The following MORC2 variants were observed in gnomAD, a reference collection of about 807,000 sequenced individuals.
The protein encoded by MORC2 is ATPase MORC2.
Under a neutral mutation model 136.0 loss-of-function variants are expected in MORC2, and 30 were observed. That is an observed-to-expected ratio of 0.22 (90% confidence interval 0.17 to 0.30). MORC2 has a LOEUF of 0.30. Ranked by LOEUF, MORC2 falls within the 10% of genes least tolerant of loss-of-function variation. The pLI is 1.00. For missense variants in MORC2, 922 were observed against 1,333.1 expected, an observed-to-expected ratio of 0.69 and a Z score of 4.80; for synonymous variants, 439 against 487.0, an observed-to-expected ratio of 0.90 and a Z score of 1.30.
At chr22:30,931,233 G>T (rs1184791920) in intron 24 of MORC2, among the ~76,000 whole-genome samples, 1 of 152,218 alleles carries the variant, frequency 6.6e-6, no homozygotes, top group African/African-American at 2.4e-5. Flanking sequence ...CAGCCCCTGG[G>T]CCGAATCAGC....
chr22:30,931,721 A>G, intron 24 of MORC2, among the ~76,000 whole-genome samples: 1 of 152,170 alleles, frequency 6.6e-6, no homozygotes, highest in East Asian at 1.9e-4. Flanking sequence ...AGGCCACCAC[A>G]GCCCTCCATA....
At position 30,934,254 on chromosome 22, in the gene MORC2, T is replaced by G. The variant is rs1468915270; in HGVS notation, c.2194-63A>C. 1 of 1,606,474 alleles carries G rather than the reference T, an allele frequency of 6.2e-7. No individual in the cohort carries two copies. Among genetic ancestry groups the G allele is most frequent in the African/African-American group, 1.3e-5 (1 of 74,728 alleles). ...TTCAGCCTCTAAGGAGCAGGAAGAT[T>G]TCATCTAGCCTAAAGGAGTCGTTCC... On this transcript the variant is annotated intron_variant, in intron 19 of 25. Coordinates refer to ENST00000397641, the MANE Select transcript of MORC2 (RefSeq NM_001303256.3). The surrounding 1 kb of genome is among the most constrained non-coding windows in gnomAD (Gnocchi z 4.4).
At chr22:30,960,255 C>A (rs1234900105) in intron 1 of MORC2, among the ~76,000 whole-genome samples, 1 of 152,148 alleles carries the variant, frequency 6.6e-6, no homozygotes. Flanking sequence ...ACCTGAGCCA[C>A]CACACACGGC....
chr22:30,953,190 A>C (rs1159224315), intron 3 of MORC2, among the ~76,000 whole-genome samples: 1 of 152,210 alleles, frequency 6.6e-6, no homozygotes, highest in East Asian at 1.9e-4. Flanking sequence ...CAGTCAACTG[A>C]GTGATATCTG....
At position 30,932,768 on chromosome 22, in the gene MORC2, C is replaced by T. The variant is rs954359222; in HGVS notation, c.2524G>A (p.Val842Met). 6.2e-7 allele frequency: 1 copy of T among 1,614,162 alleles called. No homozygotes were observed. Among genetic ancestry groups the T allele is most frequent in the Non-Finnish European group, 8.5e-7 (1 of 1,180,016 alleles). The part of the protein sequence containing the change: ...PTDTTPRDRW[V>M]EKGSEDVRLM... Reference sequence around the variant, plus strand: ...CGCACATCCTCACTGCCTTTCTCCACCCTGTGGAAGACACACAGCTTATGT... The same window carrying T: ...CGCACATCCTCACTGCCTTTCTCCATCCTGTGGAAGACACACAGCTTATGT... Residue 842 changes from valine (V) to methionine (M), a missense_variant and splice_region_variant, in exon 23 of 26, where the codon GTG becomes ATG. Physicochemically the swap from Val to Met is conservative, Grantham distance 21 (BLOSUM62 1). Coordinates refer to ENST00000397641, the MANE Select transcript of MORC2 (RefSeq NM_001303256.3). The surrounding 1 kb of genome is among the most constrained non-coding windows in gnomAD (Gnocchi z 4.4).
intron 24 of MORC2, among the ~76,000 whole-genome samples, chr22:30,930,181 T>A (rs2040553075): frequency 6.6e-6 from 1 of 152,200 alleles, no homozygotes; most frequent in Admixed American, 6.5e-5. Context: ...TAGACACTCA[T>A]GCACTTTGTT....
In MORC2 at chr22:30,934,315, A is replaced by G. The variant is rs1020106863; in HGVS notation, c.2194-124T>C. On this transcript the variant is annotated intron_variant, in intron 19 of 25. Transcript: ENST00000397641. This position sits in a 1 kb window ranked among gnomAD's most constrained non-coding sequence, Gnocchi z 4.4. ...GTACTCCCTGCAATCCCTGCCTGAC[A>G]TTACTTGGAATGTACACAGGCAACC... 2.7e-5 allele frequency: 37 copies of G among 1,374,516 alleles called. No homozygotes were observed. In the African/African-American group the frequency reaches 5.1e-4, roughly 19 times the overall value. 85.1% of individuals were successfully genotyped at this position (1,374,516 alleles called of 1,614,324 possible).
intron 1 of MORC2, chr22:30,967,051 T>C (rs2041138832): frequency 1.0e-6 from 1 of 965,922 alleles, no homozygotes; most frequent in Non-Finnish European, 1.2e-6. Context: ...GGTACTAGAA[T>C]GTTAGAACAC....
chr22:30,963,565 T>C (rs1399840165), intron 1 of MORC2, among the ~76,000 whole-genome samples: 1 of 152,018 alleles, frequency 6.6e-6, no homozygotes. Flanking sequence ...TTTGTATTTT[T>C]AATAGCGATG....
At chr22:30,956,251 C>G (rs897575203) in intron 3 of MORC2, among the ~76,000 whole-genome samples, 1 of 152,140 alleles carries the variant, frequency 6.6e-6, no homozygotes, top group Admixed American at 6.5e-5. Flanking sequence ...AAATTCCAAG[C>G]CAAGCAGCCT....
intron 4 of MORC2, among the ~76,000 whole-genome samples, 178 bp from the exon 5 acceptor site, chr22:30,950,020 T>C (rs1431766294): frequency 6.6e-6 from 1 of 152,204 alleles, no homozygotes; most frequent in South Asian, 2.1e-4. Flanking sequence ...GGCCTGTTGG[T>C]ACCTCTATCA....
intron 4 of MORC2, among the ~76,000 whole-genome samples, chr22:30,950,174 C>G (rs1277400791): frequency 2.0e-5 from 3 of 152,164 alleles, no homozygotes; most frequent in African/African-American, 7.2e-5. Flanking sequence ...CTTTCAGATC[C>G]TATCTCCCAT....
In MORC2 at chr22:30,932,749, T is replaced by G. The variant is rs775277249; in HGVS notation, c.2543A>C (p.Asp848Ala). 3 of 1,614,136 alleles carry G rather than the reference T, an allele frequency of 1.9e-6. No homozygotes were observed. The highest frequency in any genetic ancestry group is 2.5e-6 in the Non-Finnish European group (3 of 1,180,008). ...RDRWVEKGSEDVRLMKPPSPE... is the reference protein window; with the variant it reads ...RDRWVEKGSEAVRLMKPPSPE... ...AGAAGGGGGTTTCATCAGCCGCACATCCTCACTGCCTTTCTCCACCCTGTG... is the reference window on the plus strand; with the variant it reads ...AGAAGGGGGTTTCATCAGCCGCACAGCCTCACTGCCTTTCTCCACCCTGTG... Residue 848 changes from aspartate to alanine, a missense_variant, in exon 23 of 26, where the codon GAT (aspartate) becomes GCT (alanine). Transcript: ENST00000397641. The surrounding 1 kb of genome is among the most constrained non-coding windows in gnomAD (Gnocchi z 4.4).
At chr22:30,939,397 C>G (rs2040706813) in intron 12 of MORC2, among the ~76,000 whole-genome samples, 1 of 151,948 alleles carries the variant, frequency 6.6e-6, no homozygotes, top group Non-Finnish European at 1.5e-5. Flanking sequence ...AAGACAGTGC[C>G]AAAGGATGGT....
chr22:30,938,472 C>T (rs182951939), intron 12 of MORC2, among the ~76,000 whole-genome samples: 199 of 152,226 alleles, frequency 1.3e-3, no homozygotes, highest in African/African-American at 4.1e-3. Context: ...TTGTTTATTA[C>T]GAAGCTGCTG....
chr22:30,937,730 T>C lies in MORC2; in HGVS notation c.1370-19A>G, dbSNP rs764688244. The C allele has an allele frequency of 3.1e-5, 50 of 1,613,932 alleles. No homozygotes were observed. The Middle Eastern group carries it at 6.6e-4, about 21-fold the overall frequency. ...CTCTGGGCTGGAAAGCAAACACCGA[T>C]ACATCATGTTAGGAGCCAGCCTCTC... On this transcript the variant is annotated intron_variant, in intron 14 of 25. Coordinates refer to ENST00000397641, the MANE Select transcript of MORC2 (RefSeq NM_001303256.3). This position sits in a 1 kb window ranked among gnomAD's most constrained non-coding sequence, Gnocchi z 4.7.
At chr22:30,961,212 G>A (rs1032439449) in intron 1 of MORC2, among the ~76,000 whole-genome samples, 2 of 151,288 alleles carry the variant, frequency 1.3e-5, no homozygotes, top group African/African-American at 4.9e-5. Flanking sequence ...TGCCCCCTCA[G>A]TAAAAATTTA....
chr22:30,936,542 C>A lies in MORC2; in HGVS notation c.1706G>T (p.Arg569Leu), dbSNP rs149057277. ...EKQKQLTEKI[R>L]QQQEKLEALQ... Reference sequence around the variant, plus strand: ...GGCCTCCAGCTTCTCCTGCTGCTGGCGAATTTTCTCTGTCAGTTGTTTCTG... The same window carrying A: ...GGCCTCCAGCTTCTCCTGCTGCTGGAGAATTTTCTCTGTCAGTTGTTTCTG... The change falls in exon 17 of 26, where the codon CGC becomes CTC. Residue 569 changes from arginine (R) to leucine (L), a missense_variant. Arg to Leu is a moderately radical substitution (Grantham distance 102). Around this residue, in one of 9 missense-constraint regions of MORC2, gnomAD observed 119 missense variants for 202.7 expected, o/e 0.59. Transcript: ENST00000397641. The A allele has an allele frequency of 6.2e-7, 1 of 1,614,158 alleles. No homozygotes were observed. Among genetic ancestry groups the A allele is most frequent in the Admixed American group, 1.7e-5 (1 of 60,014 alleles).
chr22:30,958,923 T>C, intron 1 of MORC2: 3 of 443,502 alleles, frequency 6.8e-6, no homozygotes, highest in Non-Finnish European at 8.1e-6. Context: ...CTATTTTGAG[T>C]TGGGAAACCC....
Sources: allele counts gnomAD v4.1 joint callset (sites outside exome capture counted in the v4.1 genomes callset), GRCh38; gene constraint gnomAD v4.1.1; regional missense constraint gnomAD v4.1.1; non-coding constraint Gnocchi (gnomAD v3.1); transcripts MANE v1.5; gene names NCBI Gene and HGNC (gene_info 2026-07-23, HGNC 2026-07-21).